Variants in ATP8B4 observed in about 807,000 individuals in gnomAD.
ATP8B4 encodes the protein probable phospholipid-transporting ATPase IM.
In ATP8B4, 133 loss-of-function variants were observed where a neutral mutation model predicts 145.6. That is an observed-to-expected ratio of 0.91 (90% confidence interval 0.79 to 1.05). The LOEUF is 1.05. ATP8B4 is among the 50% of genes least tolerant of loss of function. ATP8B4 has a pLI of 0.00. For missense variants in ATP8B4, 1,458 were observed against 1,425.2 expected, an observed-to-expected ratio of 1.02 and a Z score of -0.37; for synonymous variants, 507 against 492.9, an observed-to-expected ratio of 1.03 and a Z score of -0.38.
intron 1 of ATP8B4, among the ~76,000 whole-genome samples, chr15:50,157,949 G>A (rs2044447533): frequency 6.6e-6 from 1 of 152,204 alleles, no homozygotes; most frequent in African/African-American, 2.4e-5. Context: ...TGGAGACGGG[G>A]TTTCGCTGTG....
intron 20 of ATP8B4, among the ~76,000 whole-genome samples, chr15:49,903,288 T>C (rs537956781): frequency 6.6e-6 from 1 of 152,358 alleles, no homozygotes; most frequent in African/African-American, 2.4e-5. Context: ...TCAATGACTA[T>C]GAGCTATACA....
chr15:50,139,451 G>A (rs2044178327), intron 1 of ATP8B4, among the ~76,000 whole-genome samples: 1 of 152,144 alleles, frequency 6.6e-6, no homozygotes. Context: ...TTGGGGGCAA[G>A]GGGAGGGATA....
intron 19 of ATP8B4, chr15:49,917,330 C>A: frequency 3.2e-6 from 1 of 317,326 alleles, no homozygotes; most frequent in Non-Finnish European, 5.8e-6. Flanking sequence ...AATTAGCACT[C>A]ATGAAAATAA....
At chr15:50,057,166 A>G (rs967191237) in intron 3 of ATP8B4, among the ~76,000 whole-genome samples, 1 of 152,182 alleles carries the variant, frequency 6.6e-6, no homozygotes, top group African/African-American at 2.4e-5. Context: ...ATAATGGAGA[A>G]CATATAACTT....
chr15:49,915,232 C>T (rs1438810292), intron 20 of ATP8B4, among the ~76,000 whole-genome samples: 2 of 152,086 alleles, frequency 1.3e-5, no homozygotes, highest in African/African-American at 2.4e-5. Flanking sequence ...CACATGTTCT[C>T]ACTCCTATGC....
At chr15:49,893,097 T>C (rs2037007959) in intron 23 of ATP8B4, among the ~76,000 whole-genome samples, 2 of 152,204 alleles carry the variant, frequency 1.3e-5, no homozygotes, top group Admixed American at 1.3e-4. Flanking sequence ...TCAATTCAGA[T>C]CAAAGGATAT....
intron 2 of ATP8B4, among the ~76,000 whole-genome samples, chr15:50,080,889 G>A (rs7178771): frequency 0.69 from 105,358 of 151,982 alleles, 37,804 homozygotes; most frequent in African/African-American, 0.9. Flanking sequence ...CGAGGCAGGC[G>A]GATCATGATG....
chr15:50,177,003 G>A (rs865942253), intron 1 of ATP8B4, among the ~76,000 whole-genome samples: 2 of 152,038 alleles, frequency 1.3e-5, no homozygotes, highest in African/African-American at 4.8e-5. Context: ...TGCACATCCT[G>A]TATGCCTATA....
At chr15:49,991,157 C>G (rs1252168000) in intron 9 of ATP8B4, among the ~76,000 whole-genome samples, 3 of 151,922 alleles carry the variant, frequency 2.0e-5, no homozygotes, top group Non-Finnish European at 4.4e-5. Context: ...ATCTGGTAAG[C>G]AAAAAAACTC....
At chr15:50,133,597 A>G (rs971841434) in intron 1 of ATP8B4, among the ~76,000 whole-genome samples, 1 of 152,112 alleles carries the variant, frequency 6.6e-6, no homozygotes, top group Admixed American at 6.6e-5. Flanking sequence ...TGTATCAAAA[A>G]TAAAAAACAA....
intron 6 of ATP8B4, among the ~76,000 whole-genome samples, chr15:50,022,452 G>A (rs951574269): frequency 4.6e-5 from 7 of 152,204 alleles, no homozygotes; most frequent in Non-Finnish European, 8.8e-5. Flanking sequence ...GCACATGGGA[G>A]ATACTCACTA....
chr15:50,060,122 G>A (rs2052903517), intron 3 of ATP8B4, among the ~76,000 whole-genome samples: 1 of 152,078 alleles, frequency 6.6e-6, no homozygotes, highest in Non-Finnish European at 1.5e-5. Context: ...AGCGTCCCCT[G>A]GGTTTCTAGG....
chr15:50,074,223 G>A, intron 2 of ATP8B4, 38 bp from the exon 3 acceptor site: 2 of 1,551,650 alleles, frequency 1.3e-6, no homozygotes, highest in Non-Finnish European at 1.8e-6. Flanking sequence ...TTAAATTGTA[G>A]GCCCAGAGAA....
At chr15:50,040,324 G>A (rs1289241860) in intron 5 of ATP8B4, among the ~76,000 whole-genome samples, 3 of 152,190 alleles carry the variant, frequency 2.0e-5, no homozygotes, top group Non-Finnish European at 4.4e-5. Context: ...ACGTCTCCAG[G>A]TCTGGTCACT....
chr15:49,919,477 G>A (rs558434539), intron 18 of ATP8B4, among the ~76,000 whole-genome samples: 2 of 152,192 alleles, frequency 1.3e-5, no homozygotes, highest in East Asian at 3.9e-4. Flanking sequence ...GAGTGCAGTG[G>A]CGCGATCTCG....
intron 8 of ATP8B4, among the ~76,000 whole-genome samples, chr15:49,997,126 C>T (rs1223806564): frequency 6.6e-6 from 1 of 152,108 alleles, no homozygotes; most frequent in African/African-American, 2.4e-5. Flanking sequence ...AATATCACTC[C>T]AGAGTCTACT....
At chr15:49,887,969 C>A (rs533367420) in intron 23 of ATP8B4, among the ~76,000 whole-genome samples, 2 of 152,192 alleles carry the variant, frequency 1.3e-5, no homozygotes, top group Admixed American at 6.5e-5. Context: ...ACAGGATGAA[C>A]TTACTACCTC....
intron 7 of ATP8B4, among the ~76,000 whole-genome samples, chr15:50,007,346 A>G (rs1406560329): frequency 2.0e-5 from 3 of 152,178 alleles, no homozygotes; most frequent in South Asian, 4.1e-4. Flanking sequence ...ACTCAAGTCA[A>G]TGAGGATGAC....
At chr15:49,923,818 A>G (rs1253615798) in intron 16 of ATP8B4, among the ~76,000 whole-genome samples, 13 of 152,198 alleles carry the variant, frequency 8.5e-5, no homozygotes, top group Admixed American at 8.5e-4. Flanking sequence ...CTTCATCTCC[A>G]TATTAAGCAG....
Sources: allele counts gnomAD v4.1 joint callset (sites outside exome capture counted in the v4.1 genomes callset), GRCh38; gene constraint gnomAD v4.1.1; transcripts MANE v1.5; gene names NCBI Gene and HGNC (gene_info 2026-07-23, HGNC 2026-07-21).